GABRB2: variants seen among roughly 807,000 people sequenced by gnomAD.
GABRB2 encodes gamma-aminobutyric acid type A receptor subunit beta2.
In GABRB2, 16 loss-of-function variants were observed where a neutral mutation model predicts 54.7. The ratio of observed to expected loss-of-function variants is 0.29; its 90% CI spans 0.20 to 0.44. The LOEUF is 0.44. Ranked by LOEUF, GABRB2 falls within the 20% of genes least tolerant of loss-of-function variation. The probability of loss-of-function intolerance (pLI) is 1.00; values close to 1 mark genes in which losing one functional copy is unlikely to be tolerated. For synonymous variants in GABRB2, 244 were observed against 233.8 expected (o/e 1.04, Z -0.40); for missense variants, 355 against 644.0 (o/e 0.55, Z 4.86).
At chr5:161,541,133 A>T (rs1760799099) in intron 3 of GABRB2, among the ~76,000 whole-genome samples, 1 of 150,910 alleles carries the variant, frequency 6.6e-6, no homozygotes. Context: ...GGCGTCAGCC[A>T]TTGCACCTGG....
chr5:161,296,120 T>C (rs778680035), intron 9 of GABRB2, among the ~76,000 whole-genome samples: 3 of 152,164 alleles, frequency 2.0e-5, no homozygotes, highest in Admixed American at 6.5e-5. Flanking sequence ...CAAAGCCACA[T>C]AGTTACTAAA....
intron 3 of GABRB2, among the ~76,000 whole-genome samples, chr5:161,534,029 C>A (rs1439130657): frequency 6.6e-6 from 1 of 152,044 alleles, no homozygotes; most frequent in Non-Finnish European, 1.5e-5. Flanking sequence ...GTTTTTCCCA[C>A]AATGTGCTAA....
intron 9 of GABRB2, among the ~76,000 whole-genome samples, chr5:161,299,390 A>C (rs1286849979): frequency 6.6e-6 from 1 of 152,180 alleles, no homozygotes; most frequent in East Asian, 1.9e-4. Context: ...GGAATAGCAG[A>C]GTAGACTCTC....
intron 9 of GABRB2, among the ~76,000 whole-genome samples, chr5:161,312,400 T>G (rs1265398266): frequency 6.6e-6 from 1 of 152,066 alleles, no homozygotes; most frequent in Non-Finnish European, 1.5e-5. Context: ...AAGCTGCAAG[T>G]TGAGTTGGGA....
intron 3 of GABRB2, among the ~76,000 whole-genome samples, chr5:161,537,828 G>A (rs1009340105): frequency 6.6e-6 from 1 of 151,824 alleles, no homozygotes; most frequent in African/African-American, 2.4e-5. Flanking sequence ...CCCCACCTAC[G>A]GCTTCAACAC....
intron 5 of GABRB2, among the ~76,000 whole-genome samples, chr5:161,338,025 T>A (rs1230760423): frequency 6.6e-6 from 1 of 152,142 alleles, no homozygotes; most frequent in Non-Finnish European, 1.5e-5. Flanking sequence ...AGAATACCAA[T>A]CCTTGAATCT....
At chr5:161,365,191 T>A (rs1333826291) in intron 5 of GABRB2, among the ~76,000 whole-genome samples, 1 of 152,144 alleles carries the variant, frequency 6.6e-6, no homozygotes, top group Non-Finnish European at 1.5e-5. Context: ...GTTTCATGGG[T>A]CTCTAACATA....
At chr5:161,315,581 C>T (rs1422621966) in intron 9 of GABRB2, among the ~76,000 whole-genome samples, 1 of 152,094 alleles carries the variant, frequency 6.6e-6, no homozygotes, top group Non-Finnish European at 1.5e-5. Flanking sequence ...TTATTTATTA[C>T]TTTACAACTT....
chr5:161,299,295 A>G (rs988991877), intron 9 of GABRB2, among the ~76,000 whole-genome samples: 3 of 152,144 alleles, frequency 2.0e-5, no homozygotes, highest in South Asian at 2.1e-4. Context: ...GTGTAGGCCA[A>G]TCAGAGCCAT....
intron 5 of GABRB2, among the ~76,000 whole-genome samples, chr5:161,349,368 A>C (rs191958928): frequency 2.6e-5 from 4 of 152,252 alleles, no homozygotes; most frequent in African/African-American, 9.6e-5. Context: ...AAATTCTGTC[A>C]AGATAAATGC....
chr5:161,498,932 C>G (rs548626752), intron 3 of GABRB2, among the ~76,000 whole-genome samples: 1 of 152,284 alleles, frequency 6.6e-6, no homozygotes, highest in South Asian at 2.1e-4. Flanking sequence ...AAATGCTAAA[C>G]CGTCACAGCT....
At chr5:161,455,835 A>G (rs974851326) in intron 4 of GABRB2, among the ~76,000 whole-genome samples, 3 of 152,132 alleles carry the variant, frequency 2.0e-5, no homozygotes, top group African/African-American at 7.2e-5. Flanking sequence ...AAATTTTATT[A>G]TGAAGACATT....
chr5:161,424,893 C>T (rs1265161101), intron 4 of GABRB2, among the ~76,000 whole-genome samples: 1 of 152,000 alleles, frequency 6.6e-6, no homozygotes, highest in Non-Finnish European at 1.5e-5. Flanking sequence ...GTTCAAAATA[C>T]CAACATTAAT....
intron 5 of GABRB2, among the ~76,000 whole-genome samples, chr5:161,403,125 A>C (rs1177942337): frequency 6.6e-6 from 1 of 152,100 alleles, no homozygotes; most frequent in Non-Finnish European, 1.5e-5. Flanking sequence ...CAGGATTACA[A>C]CGTAAGAAAG....
intron 5 of GABRB2, among the ~76,000 whole-genome samples, chr5:161,366,318 T>C (rs1261990071): frequency 6.6e-6 from 1 of 151,994 alleles, no homozygotes; most frequent in African/African-American, 2.4e-5. Flanking sequence ...CTATTATCTC[T>C]CCATCATCTA....
rs573971349 is a variant in GABRB2, at chr5:161,343,504, CTG to C, written c.542-6737_542-6736del. Among the ~76,000 whole-genome samples the C allele has an allele frequency of 1.6e-3, 250 of 152,038 alleles. 2 individuals are homozygous for C. Among genetic ancestry groups the C allele is most frequent in the Admixed American group, 0.011 (168 of 15,240 alleles). On this transcript the variant is annotated intron_variant, in intron 5 of 9. Coordinates refer to ENST00000393959, the MANE Select transcript of GABRB2 (RefSeq NM_001371727.1). ...TATCTATTAAAATTCCAATGCAAAA[CTG>C]TGTATTTGTTGTCTTTGTATGGGAG...
Position 161,378,468 on chromosome 5 carries a change from G to A in GABRB2, c.541+32507C>T, listed in dbSNP as rs536137013. ...TTCTAGCCCTTAAAATGAGCTAATG[G>A]TCACACATGTTTGGCTTCAGTTTAT... On this transcript the variant is annotated intron_variant, in intron 5 of 9. Transcript: ENST00000393959. 1.1e-4 allele frequency among the ~76,000 whole-genome samples: 17 copies of A among 152,188 alleles called. No homozygotes were observed. The South Asian group carries it at 3.1e-3, about 28-fold the overall frequency.
chr5:161,403,649 T>C (rs1421893207), intron 5 of GABRB2, among the ~76,000 whole-genome samples: 1 of 152,052 alleles, frequency 6.6e-6, no homozygotes, highest in Non-Finnish European at 1.5e-5. Flanking sequence ...ATAACTTAAA[T>C]TTTCATGTTT....
At chr5:161,343,720 T>A (rs1754239036) in intron 5 of GABRB2, among the ~76,000 whole-genome samples, 1 of 152,100 alleles carries the variant, frequency 6.6e-6, no homozygotes, top group Non-Finnish European at 1.5e-5. Flanking sequence ...TAGAGCCCTA[T>A]GTACCAGGCA....
Sources: gnomAD v4.1 joint callset for allele counts (sites outside exome capture counted in the v4.1 genomes callset) on GRCh38, gnomAD v4.1.1 for gene constraint, MANE v1.5 for transcripts, NCBI Gene and HGNC (gene_info 2026-07-23, HGNC 2026-07-21) for gene names.